ZSWIM6: variants seen among roughly 807,000 people sequenced by gnomAD.
The protein encoded by ZSWIM6 is zinc finger SWIM domain-containing protein 6.
A neutral mutation model predicts 113.2 loss-of-function variants in ZSWIM6; 9 were observed. The ratio of observed to expected loss-of-function variants is 0.08; its 90% CI spans 0.05 to 0.14. ZSWIM6 has a LOEUF of 0.14. ZSWIM6 is among the 10% of genes least tolerant of loss of function. ZSWIM6 has a pLI of 1.00. For synonymous variants in ZSWIM6, 611 were observed against 606.5 expected (o/e 1.01, Z -0.11); for missense variants, 1,162 against 1,552.2 (o/e 0.75, Z 4.22).
chr5:61,369,967 A>G (rs1021617758), intron 1 of ZSWIM6, among the ~76,000 whole-genome samples: 1 of 152,242 alleles, frequency 6.6e-6, no homozygotes, highest in African/African-American at 2.4e-5. Context: ...AACAGAGGCT[A>G]TAGCATAAAT....
At chr5:61,388,100 A>G (rs1316066846) in intron 1 of ZSWIM6, among the ~76,000 whole-genome samples, 1 of 150,012 alleles carries the variant, frequency 6.7e-6, no homozygotes, top group African/African-American at 2.5e-5. Context: ...CTCATGCCTC[A>G]GTCTCCTGAG....
chr5:61,356,003 G>A (rs1045880999), intron 1 of ZSWIM6, among the ~76,000 whole-genome samples: 3 of 152,158 alleles, frequency 2.0e-5, no homozygotes, highest in African/African-American at 4.8e-5. Flanking sequence ...ATTCAGTTAT[G>A]ATTTGATTAC....
chr5:61,398,912 GTTTTTTTTTTTTTT>G (rs57439648), intron 1 of ZSWIM6, among the ~76,000 whole-genome samples: 3 of 61,736 alleles, frequency 4.9e-5, no homozygotes, highest in African/African-American at 1.1e-4. Context: ...GTGTATAGTT[GTTTTTTTTTTTTTT>G]TTTTTTTTTT....
At chr5:61,517,323 GTTT>G (rs1748975297) in intron 4 of ZSWIM6, among the ~76,000 whole-genome samples, 1 of 151,936 alleles carries the variant, frequency 6.6e-6, no homozygotes, top group African/African-American at 2.4e-5. Context: ...ATGCCTAGTT[GTTT>G]TTCTCTCTTT....
At chr5:61,539,022 A>G (rs1046620458) in intron 11 of ZSWIM6, 51 bp downstream of exon 11, 6 of 1,434,246 alleles carry the variant, frequency 4.2e-6, no homozygotes, top group Non-Finnish European at 5.5e-6. Context: ...TTGCCTGTTT[A>G]TTTTTTTTAA....
intron 4 of ZSWIM6, among the ~76,000 whole-genome samples, chr5:61,514,818 G>A (rs759623848): frequency 1.3e-5 from 2 of 152,164 alleles, no homozygotes. Context: ...GAGGGATATT[G>A]ATCTGCAGTT....
chr5:61,512,341 C>T (rs1275012764), intron 4 of ZSWIM6, among the ~76,000 whole-genome samples: 1 of 151,912 alleles, frequency 6.6e-6, no homozygotes, highest in Non-Finnish European at 1.5e-5. Context: ...ATGAATGTAC[C>T]ATAGTTTGTT....
chr5:61,332,912 T>G lies in ZSWIM6; in HGVS notation c.640T>G (p.Leu214Val). 7.4e-7 allele frequency: 1 copy of G among 1,346,648 alleles called. No homozygotes were observed. The highest frequency in any genetic ancestry group is 1.5e-5 in the South Asian group (1 of 64,890). The allele number at this position is 1,346,648 out of a possible 1,614,324, so 83.4% of individuals were successfully genotyped here. The change falls in exon 1 of 14, where the codon TTG (leucine) becomes GTG (valine). Residue 214 changes from leucine to valine, a missense_variant. Around this residue, in one of 4 missense-constraint regions of ZSWIM6, gnomAD observed 333 missense variants for 293.4 expected, o/e 1.13. Coordinates refer to ENST00000252744, the MANE Select transcript of ZSWIM6 (RefSeq NM_020928.2). ...GCCTTTCCGCCGGGGCATCGCGCTG[T>G]TGGAAAGCGGCTGCGTAGACAACGT... ...RLPFRRGIAL[L>V]ESGCVDNVLQ...
intron 6 of ZSWIM6, 40 bp downstream of exon 6, chr5:61,526,016 T>G: frequency 6.5e-7 from 1 of 1,548,134 alleles, no homozygotes; most frequent in Non-Finnish European, 8.7e-7. Flanking sequence ...ATGACTTACT[T>G]CTTTGTTTAG....
At chr5:61,542,204 T>A (rs1749760073) in intron 13 of ZSWIM6, among the ~76,000 whole-genome samples, 1 of 152,256 alleles carries the variant, frequency 6.6e-6, no homozygotes, top group South Asian at 2.1e-4. Flanking sequence ...TTTAAAATGG[T>A]ATAAGTCAGT....
chr5:61,442,619 A>T (rs1383289275), intron 1 of ZSWIM6, among the ~76,000 whole-genome samples: 1 of 152,200 alleles, frequency 6.6e-6, no homozygotes, highest in Non-Finnish European at 1.5e-5. Context: ...ATCATTGTCT[A>T]CACAGGCTCT....
chr5:61,495,571 C>G (rs1748294268), intron 4 of ZSWIM6, among the ~76,000 whole-genome samples: 1 of 152,064 alleles, frequency 6.6e-6, no homozygotes, highest in South Asian at 2.1e-4. Context: ...TTCTGTGAGT[C>G]TCCTGAAATA....
At chr5:61,365,364 T>TTA (rs1424079153) in intron 1 of ZSWIM6, among the ~76,000 whole-genome samples, 26 of 134,638 alleles carry the variant, frequency 1.9e-4, no homozygotes, top group African/African-American at 5.5e-4. Flanking sequence ...AAAAAAAAAA[T>TTA]TATATATATA....
Position 61,543,464 on chromosome 5 carries a change from C to G in ZSWIM6, c.2795C>G (p.Ala932Gly). 6.5e-7 allele frequency: 1 copy of G among 1,549,848 alleles called. No individual in the cohort carries two copies. The highest frequency in any genetic ancestry group is 8.7e-7 in the Non-Finnish European group (1 of 1,146,456). Residue 932 changes from alanine (A) to glycine (G), a missense_variant, in exon 14 of 14, where the codon GCC (alanine) becomes GGC (glycine). By Grantham distance (60) the Ala-to-Gly change is moderately conservative. Coordinates refer to ENST00000252744, the MANE Select transcript of ZSWIM6 (RefSeq NM_020928.2). This position sits in a 1 kb window ranked among gnomAD's most constrained non-coding sequence, Gnocchi z 4.3. ...TTTGTGTTCCTTGCAGGGGTTTATG[C>G]CCTGGACAGCATCATGCAGACCTGG... Reference protein sequence around the residue: ...VTCATEVGVYALDSIMQTWFT... With the variant: ...VTCATEVGVYGLDSIMQTWFT...
chr5:61,504,143 T>G (rs1748541212), intron 4 of ZSWIM6, among the ~76,000 whole-genome samples: 1 of 152,180 alleles, frequency 6.6e-6, no homozygotes, highest in South Asian at 2.1e-4. Flanking sequence ...AAACAATGAT[T>G]GAAAGGTATT....
chr5:61,387,122 A>G (rs1318132741), intron 1 of ZSWIM6, among the ~76,000 whole-genome samples: 4 of 152,152 alleles, frequency 2.6e-5, no homozygotes, highest in South Asian at 2.1e-4. Flanking sequence ...ATAGCTTTCT[A>G]TGGTAGATTG....
At position 61,493,833 on chromosome 5, in the gene ZSWIM6, A is replaced by G. The variant is rs556166846; in HGVS notation, c.1183-427A>G. Among the ~76,000 whole-genome samples, 20 of 152,230 alleles carry G rather than the reference A, an allele frequency of 1.3e-4. 1 individual carries two copies. The South Asian group carries it at 3.9e-3, about 30-fold the overall frequency. On this transcript the variant is annotated intron_variant, in intron 3 of 13. Coordinates refer to ENST00000252744, the MANE Select transcript of ZSWIM6 (RefSeq NM_020928.2). ...GATGTAATCTTGAATCACAAAGTGTACTTGGTTTAGATAAGAGAGATACTT... is the reference window on the plus strand; with the variant it reads ...GATGTAATCTTGAATCACAAAGTGTGCTTGGTTTAGATAAGAGAGATACTT...
chr5:61,419,742 G>T (rs548154199), intron 1 of ZSWIM6, among the ~76,000 whole-genome samples: 1 of 152,286 alleles, frequency 6.6e-6, no homozygotes, highest in South Asian at 2.1e-4. Context: ...CTCCTGAAAG[G>T]CTTTTTTCTT....
intron 1 of ZSWIM6, among the ~76,000 whole-genome samples, chr5:61,433,051 C>CT (rs1283113178): frequency 1.3e-5 from 2 of 152,042 alleles, no homozygotes; most frequent in African/African-American, 4.8e-5. Context: ...TCATTTTTGT[C>CT]TAAGCAAGGA....
Sources: allele counts gnomAD v4.1 joint callset (sites outside exome capture counted in the v4.1 genomes callset), GRCh38; gene constraint gnomAD v4.1.1; regional missense constraint gnomAD v4.1.1; non-coding constraint Gnocchi (gnomAD v3.1); transcripts MANE v1.5; gene names NCBI Gene and HGNC (gene_info 2026-07-23, HGNC 2026-07-21).